The following NUDCD3 variants were observed in gnomAD, a reference collection of about 807,000 sequenced individuals.
NUDCD3 encodes nudC domain-containing protein 3.
A neutral mutation model predicts 39.7 loss-of-function variants in NUDCD3; 13 were observed. The observed-to-expected ratio is 0.33, with a 90% CI of 0.21 to 0.52. The LOEUF is 0.52. Among genes scored for constraint, NUDCD3 ranks in the 20% least tolerant of loss-of-function variants. The pLI is 0.96. For missense variants in NUDCD3, 453 were observed against 458.1 expected (o/e 0.99, Z 0.10); for synonymous variants, 175 against 172.4 (o/e 1.02, Z -0.12).
intron 2 of NUDCD3, among the ~76,000 whole-genome samples, chr7:44,468,613 C>T (rs942523459): frequency 2.6e-5 from 4 of 152,166 alleles, no homozygotes; most frequent in African/African-American, 9.7e-5. Flanking sequence ...ATCCTCCTTG[C>T]TCATCCACTG....
At position 44,406,481 on chromosome 7, in the gene NUDCD3, A is replaced by G. The variant is rs138467406; in HGVS notation, c.643-1898T>C. Among the ~76,000 whole-genome samples the G allele has an allele frequency of 4.7e-4, 71 of 152,326 alleles. 1 individual carries two copies. In the South Asian group the frequency reaches 9.1e-3, roughly 20 times the overall value. On this transcript the variant is annotated intron_variant, in intron 3 of 5. Transcript: ENST00000355451. ...TAACCATGAACTTGTGTGCAATGGA[A>G]ACACGACACAGAGGGCCCAAGGCTC...
At chr7:44,406,739 A>G (rs1344808594) in intron 3 of NUDCD3, among the ~76,000 whole-genome samples, 3 of 152,218 alleles carry the variant, frequency 2.0e-5, no homozygotes, top group Admixed American at 1.3e-4. Context: ...AACTGCAGGC[A>G]TAATAGGCAT....
chr7:44,455,664 G>C (rs1009993343), intron 2 of NUDCD3, among the ~76,000 whole-genome samples: 12 of 152,202 alleles, frequency 7.9e-5, no homozygotes, highest in African/African-American at 2.9e-4. Context: ...GTAAATGTGA[G>C]TGTAAGAACA....
In NUDCD3 at chr7:44,385,836, T is replaced by A. The variant is rs533045822; in HGVS notation, c.*175A>T. ...ACATAGCAGCTGGCCCCGCACCTTC[T>A]CTGGAACAGTCTGGAGATGCAAGGT... On this transcript the variant is annotated 3_prime_UTR_variant, in exon 6 of 6. Transcript: ENST00000355451. 25 of 594,490 alleles carry A rather than the reference T, an allele frequency of 4.2e-5. No homozygotes were observed. The African/African-American group carries it at 4.5e-4, about 11-fold the overall frequency. The allele number at this position is 594,490 out of a possible 1,614,324, so 36.8% of individuals were successfully genotyped here. A position where few individuals can be genotyped will look rare whatever the true frequency, so the allele number is the denominator to read the frequency against.
In NUDCD3 at chr7:44,420,627, G is replaced by A. The variant is rs557105775; in HGVS notation, c.642+6944C>T. 9.2e-5 allele frequency among the ~76,000 whole-genome samples: 14 copies of A among 152,330 alleles called. 1 individual carries two copies. The South Asian group carries it at 2.7e-3, about 29-fold the overall frequency. ...AAGGTCAGGTTATCTACAAAGGGAA[G>A]CCCACAGACTAACAGCAGATCTCTC... On this transcript the variant is annotated intron_variant, in intron 3 of 5. Coordinates refer to ENST00000355451, the MANE Select transcript of NUDCD3 (RefSeq NM_015332.4).
At chr7:44,488,075 A>G (rs1248978536) in intron 1 of NUDCD3, among the ~76,000 whole-genome samples, 4 of 151,322 alleles carry the variant, frequency 2.6e-5, no homozygotes, top group African/African-American at 7.3e-5. Context: ...AGTGGCTCAC[A>G]CCTGTAATCC....
At chr7:44,397,891 CCTGTCCT>C (rs990358022) in intron 4 of NUDCD3, among the ~76,000 whole-genome samples, 22 of 152,122 alleles carry the variant, frequency 1.4e-4, no homozygotes, top group African/African-American at 2.9e-4. Flanking sequence ...TCTTGGGGGT[CCTGTCCT>C]CTTTAATCTA....
At position 44,463,133 on chromosome 7, in the gene NUDCD3, G is replaced by T. The variant is rs563473919; in HGVS notation, c.509+21835C>A. Among the ~76,000 whole-genome samples the T allele has an allele frequency of 5.9e-5, 9 of 152,290 alleles. No homozygotes were observed. In the South Asian group the frequency reaches 8.3e-4, roughly 14 times the overall value. ...CTGGGTGTGTCTTGACCCCGATAGG[G>T]TCAGGAGGCAGAGATGCCCAGAAAC... On this transcript the variant is annotated intron_variant, in intron 2 of 5. Coordinates refer to ENST00000355451, the MANE Select transcript of NUDCD3 (RefSeq NM_015332.4).
chr7:44,461,483 T>TG (rs944064602), intron 2 of NUDCD3, among the ~76,000 whole-genome samples: 1 of 151,936 alleles, frequency 6.6e-6, no homozygotes, highest in Admixed American at 6.6e-5. Flanking sequence ...TGTCTCCCTG[T>TG]GGGGGGAGGC....
At chr7:44,461,024 A>C (rs939829394) in intron 2 of NUDCD3, among the ~76,000 whole-genome samples, 10 of 152,114 alleles carry the variant, frequency 6.6e-5, no homozygotes, top group Admixed American at 5.2e-4. Context: ...AGGCCTAAAA[A>C]CCCGACGGGT....
At chr7:44,392,650 C>T in intron 4 of NUDCD3, 165 bp from the exon 5 acceptor site, 1 of 618,008 alleles carries the variant, frequency 1.6e-6, no homozygotes, top group East Asian at 2.8e-5. Flanking sequence ...CAAGGCAGGA[C>T]CCTCTGTGCC....
rs1247757363 is a variant in NUDCD3 at position 44,400,333 on chromosome 7, C to T, written c.786+4107G>A. Among the ~76,000 whole-genome samples the T allele has an allele frequency of 7.2e-5, 11 of 152,362 alleles. No homozygotes were observed. In the East Asian group the frequency reaches 2.1e-3, roughly 29 times the overall value. Reference sequence around the variant, plus strand: ...AGCCACCCCTGCCTGCCCTGGCTGGCTGATGTGGGATCCACGGCACAGGGA... The same window carrying T: ...AGCCACCCCTGCCTGCCCTGGCTGGTTGATGTGGGATCCACGGCACAGGGA... On this transcript the variant is annotated intron_variant, in intron 4 of 5. Transcript: ENST00000355451.
intron 2 of NUDCD3, among the ~76,000 whole-genome samples, chr7:44,463,175 T>C (rs1800051725): frequency 6.6e-6 from 1 of 152,160 alleles, no homozygotes; most frequent in Admixed American, 6.5e-5. Flanking sequence ...CCGCTCTAGT[T>C]TGTCTTTGTG....
At chr7:44,426,568 G>A (rs1382025826) in intron 3 of NUDCD3, among the ~76,000 whole-genome samples, 6 of 152,172 alleles carry the variant, frequency 3.9e-5, no homozygotes, top group Middle Eastern at 6.8e-3. Context: ...AGGCCGAGGC[G>A]GGCGGATCAC....
chr7:44,484,033 C>T (rs899439144), intron 2 of NUDCD3, among the ~76,000 whole-genome samples: 1 of 152,106 alleles, frequency 6.6e-6, no homozygotes, highest in African/African-American at 2.4e-5. Flanking sequence ...CACGCACACA[C>T]ACAATCTCCC....
chr7:44,403,759 T>C (rs146069115), intron 4 of NUDCD3, among the ~76,000 whole-genome samples: 2 of 152,400 alleles, frequency 1.3e-5, no homozygotes, highest in Non-Finnish European at 2.9e-5. Context: ...CCAGACATTA[T>C]ATTTTTCTTT....
At chr7:44,426,137 T>C (rs1489559619) in intron 3 of NUDCD3, 1 of 985,516 alleles carries the variant, frequency 1.0e-6, no homozygotes, top group Non-Finnish European at 1.2e-6. Flanking sequence ...GGGGCTTCAA[T>C]GGGTCTCACC....
At chr7:44,468,796 T>C (rs1436705043) in intron 2 of NUDCD3, among the ~76,000 whole-genome samples, 1 of 151,490 alleles carries the variant, frequency 6.6e-6, no homozygotes, top group Non-Finnish European at 1.5e-5. Context: ...TACAAGAAAA[T>C]AAAGAAGTGC....
chr7:44,465,429 G>A (rs1320727172), intron 2 of NUDCD3, among the ~76,000 whole-genome samples: 1 of 152,172 alleles, frequency 6.6e-6, no homozygotes, highest in Non-Finnish European at 1.5e-5. Context: ...GATGAGCAGT[G>A]TATACAGCCA....
Sources: allele counts gnomAD v4.1 joint callset (sites outside exome capture counted in the v4.1 genomes callset), GRCh38; gene constraint gnomAD v4.1.1; transcripts MANE v1.5; gene names NCBI Gene and HGNC (gene_info 2026-07-23, HGNC 2026-07-21).